HOXA3: variants seen among roughly 807,000 people sequenced by gnomAD.
HOXA3 encodes homeobox protein Hox-A3.
A neutral mutation model predicts 30.3 loss-of-function variants in HOXA3; 8 were observed. The observed-to-expected ratio is 0.26, with a 90% confidence interval of 0.15 to 0.48. The LOEUF is 0.48. Among genes scored for constraint, HOXA3 ranks in the 20% least tolerant of loss-of-function variants. The pLI is 0.99. For missense variants in HOXA3, 653 were observed against 614.4 expected, an observed-to-expected ratio of 1.06 and a Z score of -0.66; for synonymous variants, 323 against 273.1, an observed-to-expected ratio of 1.18 and a Z score of -1.80.
intron 2 of HOXA3, among the ~76,000 whole-genome samples, chr7:27,134,575 G>C (rs1785660478): frequency 6.6e-6 from 1 of 152,198 alleles, no homozygotes. Flanking sequence ...GACTCATCGA[G>C]GGGTTTCAGT....
At chr7:27,147,633 C>T (rs922795801) in intron 1 of HOXA3, 25 of 1,614,054 alleles carry the variant, frequency 1.5e-5, no homozygotes, top group African/African-American at 4.0e-5. Context: ...CGTACGAGGC[C>T]GGGAAGGGCC....
At chr7:27,147,917 C>T (rs1352378783) in intron 1 of HOXA3, 4 of 660,666 alleles carry the variant, frequency 6.1e-6, no homozygotes, top group African/African-American at 5.5e-5. Context: ...ACGCCGGAGC[C>T]CGCTCCCCGG....
intron 3 of HOXA3, among the ~76,000 whole-genome samples, chr7:27,124,920 C>T (rs1785216953): frequency 6.6e-6 from 1 of 152,164 alleles, no homozygotes; most frequent in Non-Finnish European, 1.5e-5. Flanking sequence ...AGTGGGGAGT[C>T]CACTGCTCTC....
At chr7:27,146,680 T>TG (rs932469337) in intron 1 of HOXA3, among the ~76,000 whole-genome samples, 4 of 151,870 alleles carry the variant, frequency 2.6e-5, no homozygotes, top group African/African-American at 7.3e-5. Context: ...CCAAGGGTGG[T>TG]GGGGGGTCCC....
intron 2 of HOXA3, among the ~76,000 whole-genome samples, chr7:27,137,192 C>G (rs1297601341): frequency 6.6e-6 from 1 of 152,224 alleles, no homozygotes; most frequent in African/African-American, 2.4e-5. Context: ...GAACAGGACT[C>G]TGTTTTTTGG....
chr7:27,129,826 G>A (rs983435394), intron 2 of HOXA3, among the ~76,000 whole-genome samples: 1 of 152,222 alleles, frequency 6.6e-6, no homozygotes, highest in East Asian at 1.9e-4. Flanking sequence ...AAAGACACAT[G>A]GCCTGAAGCC....
chr7:27,141,518 T>G, intron 1 of HOXA3: 1 of 179,392 alleles, frequency 5.6e-6, no homozygotes, highest in Non-Finnish European at 1.1e-5. Context: ...AAGGGGGACT[T>G]TTTGTGTGTT....
At chr7:27,118,428 C>A (rs1784845416) in intron 4 of HOXA3, among the ~76,000 whole-genome samples, 1 of 152,198 alleles carries the variant, frequency 6.6e-6, no homozygotes, top group Non-Finnish European at 1.5e-5. Context: ...CAACTTAAAT[C>A]CTTTTATTTG....
At chr7:27,147,262 C>T (rs769619247) in intron 1 of HOXA3, 5 of 1,514,694 alleles carry the variant, frequency 3.3e-6, no homozygotes, top group Non-Finnish European at 3.6e-6. Flanking sequence ...CTTTCTTTTC[C>T]TGCCTCCTTT....
At chr7:27,148,279 C>G (rs1782854914) in intron 1 of HOXA3, among the ~76,000 whole-genome samples, 1 of 152,276 alleles carries the variant, frequency 6.6e-6, no homozygotes, top group Admixed American at 6.5e-5. Context: ...ACTCCAGGCA[C>G]GGCCCAGAGT....
intron 1 of HOXA3, 26 bp downstream of exon 1, chr7:27,152,262 T>C (rs373964264): frequency 7.9e-7 from 1 of 1,271,466 alleles, no homozygotes; most frequent in African/African-American, 1.5e-5. Flanking sequence ...CCACCTTTGC[T>C]CCTATCTCCT....
rs752860631 is a variant in HOXA3, at chr7:27,110,160, C to G, written c.481G>C (p.Glu161Gln). Reference sequence around the variant, plus strand: ...TTCTGCTTTGTGTTTTGTCGAGACTCTTTCATCCAGGGGAAGATTTGTTTG... The same window carrying G: ...TTCTGCTTTGTGTTTTGTCGAGACTGTTTCATCCAGGGGAAGATTTGTTTG... ...VAKQIFPWMKESRQNTKQKTS... is the reference protein window; with the variant it reads ...VAKQIFPWMKQSRQNTKQKTS... Residue 161 changes from glutamate (E) to glutamine (Q), a missense_variant, in exon 5 of 6, where the codon GAG becomes CAG. Glu to Gln is a conservative substitution (Grantham distance 29). Coordinates refer to ENST00000612286, the MANE Select transcript of HOXA3 (RefSeq NM_153631.3). 3 of 1,614,176 alleles carry G rather than the reference C, an allele frequency of 1.9e-6. No homozygotes were observed. Among genetic ancestry groups the G allele is most frequent in the Non-Finnish European group, 2.5e-6 (3 of 1,180,040 alleles).
At chr7:27,129,694 G>A in intron 2 of HOXA3, 4 of 1,060,732 alleles carry the variant, frequency 3.8e-6, no homozygotes, top group Non-Finnish European at 5.6e-6. Context: ...ATAATAACCT[G>A]ACACCAAGTT....
chr7:27,113,502 C>A lies in HOXA3; in HGVS notation c.-120-2742G>T, dbSNP rs879644986. The A allele has an allele frequency of 3.9e-5, 6 of 152,188 alleles. No homozygotes were observed. Among genetic ancestry groups the A allele is most frequent in the Non-Finnish European group, 8.8e-5 (6 of 68,056 alleles). 9.4% of individuals were successfully genotyped at this position (152,188 alleles called of 1,614,324 possible). A position where few individuals can be genotyped will look rare whatever the true frequency, so the allele number is the denominator to read the frequency against. ...CGAAGTGTAAGGGTATCAGTCACTG[C>A]CGGGAAGGAAGCTCCGGCTTGTGAA... On this transcript the variant is annotated intron_variant, in intron 4 of 5. Transcript: ENST00000612286. The surrounding 1 kb of genome is among the most constrained non-coding windows in gnomAD (Gnocchi z 4.8).
rs368828818 is a variant in HOXA3 at position 27,129,195 on chromosome 7, G to A, written c.-389-2125C>T. On this transcript the variant is annotated intron_variant, in intron 2 of 5. Transcript: ENST00000612286. ...AGAAGAGAAGAGAAAAGCAGGTAAG[G>A]GATAGAAACTGGTTAAGATCTCTAG... The A allele has an allele frequency of 5.6e-5, 70 of 1,248,734 alleles. No homozygotes were observed. In the Middle Eastern group the frequency reaches 9.9e-4, roughly 18 times the overall value. 77.4% of individuals were successfully genotyped at this position (1,248,734 alleles called of 1,614,324 possible). A position where few individuals can be genotyped will look rare whatever the true frequency, so the allele number is the denominator to read the frequency against.
chr7:27,147,299 A>T (rs760136063), intron 1 of HOXA3: 1 of 1,610,206 alleles, frequency 6.2e-7, no homozygotes, highest in Non-Finnish European at 8.5e-7. Context: ...GTCTTGGGAT[A>T]TGTCTTACCC....
chr7:27,127,288 T>C (rs1344996992), intron 2 of HOXA3, among the ~76,000 whole-genome samples: 3 of 152,142 alleles, frequency 2.0e-5, no homozygotes, highest in African/African-American at 7.2e-5. Flanking sequence ...TTTGGGAAGG[T>C]AAGTGTGTAT....
At position 27,113,421 on chromosome 7, in the gene HOXA3, G is replaced by T. The variant is rs1022343607; in HGVS notation, c.-120-2661C>A. On this transcript the variant is annotated intron_variant, in intron 4 of 5. Transcript: ENST00000612286. This position sits in a 1 kb window ranked among gnomAD's most constrained non-coding sequence, Gnocchi z 4.8. The stretch of plus-strand genomic sequence containing the variant: ...CCCTCTGCAACCCAGAAAAGTTAAG[G>T]CTGGGCTAGGGGAGAGGCAAGAGGT... Among the ~76,000 whole-genome samples, 3 of 152,260 alleles carry T rather than the reference G, an allele frequency of 2.0e-5. No individual in the cohort carries two copies. In the South Asian group the frequency reaches 6.2e-4, roughly 32 times the overall value.
At chr7:27,130,461 G>A in intron 2 of HOXA3, 3 of 1,231,498 alleles carry the variant, frequency 2.4e-6, no homozygotes, top group Non-Finnish European at 3.0e-6. Flanking sequence ...CCCCATGCGC[G>A]GGGTACAGCG....
Sources: allele counts gnomAD v4.1 joint callset (sites outside exome capture counted in the v4.1 genomes callset), GRCh38; gene constraint gnomAD v4.1.1; non-coding constraint Gnocchi (gnomAD v3.1); transcripts MANE v1.5; gene names NCBI Gene and HGNC (gene_info 2026-07-23, HGNC 2026-07-21).